The following ABHD5 variants were observed in gnomAD, a reference collection of about 807,000 sequenced individuals.
ABHD5 encodes the protein abhydrolase domain containing 5, lysophosphatidic acid acyltransferase, also known as 1-acylglycerol-3-phosphate O-acyltransferase ABHD5.
Under a neutral mutation model 44.9 loss-of-function variants are expected in ABHD5, and 30 were observed. The ratio of observed to expected loss-of-function variants is 0.67; its 90% CI spans 0.50 to 0.91. The LOEUF is 0.91. Among genes scored for constraint, ABHD5 ranks in the 40% least tolerant of loss-of-function variants. The probability of loss-of-function intolerance (pLI) is 0.00; values close to 1 mark genes in which losing one functional copy is unlikely to be tolerated. For missense variants in ABHD5, 399 were observed against 423.4 expected, an observed-to-expected ratio of 0.94 and a Z score of 0.50; for synonymous variants, 167 against 147.0, an observed-to-expected ratio of 1.14 and a Z score of -0.99.
chr3:43,727,640 G>A (rs981770951), downstream of ABHD5, among the ~76,000 whole-genome samples: 14 of 152,022 alleles, frequency 9.2e-5, no homozygotes, highest in African/African-American at 3.1e-4. Flanking sequence ...GCAGAGTTTC[G>A]CTCTTGTTGC....
intron 1 of ABHD5, among the ~76,000 whole-genome samples, chr3:43,699,014 CT>C (rs1243434437): frequency 6.6e-6 from 1 of 152,172 alleles, no homozygotes; most frequent in Non-Finnish European, 1.5e-5. Context: ...ATTTTATCCT[CT>C]TTTTGCTTAT....
chr3:43,710,958 G>A (rs1329351356), intron 3 of ABHD5, among the ~76,000 whole-genome samples: 2 of 152,146 alleles, frequency 1.3e-5, no homozygotes, highest in Non-Finnish European at 2.9e-5. Flanking sequence ...AAATTAAAAT[G>A]ATTAACAATA....
intron 3 of ABHD5, among the ~76,000 whole-genome samples, chr3:43,711,475 C>T (rs997156131): frequency 1.3e-5 from 2 of 152,142 alleles, no homozygotes; most frequent in African/African-American, 4.8e-5. Context: ...TTATTATTCA[C>T]ATTTAGATAT....
chr3:43,724,837 A>G (rs776502151), downstream of ABHD5, among the ~76,000 whole-genome samples: 2 of 152,210 alleles, frequency 1.3e-5, no homozygotes, highest in Non-Finnish European at 2.9e-5. Context: ...ATAAATATAT[A>G]CATGGGTTTG....
Position 43,719,504 on chromosome 3 carries a change from A to G in ABHD5, c.*972A>G, listed in dbSNP as rs2084808401. 1 of 152,318 alleles carries G rather than the reference A, an allele frequency of 6.6e-6. No homozygotes were observed. Among genetic ancestry groups the G allele is most frequent in the East Asian group, 1.9e-4 (1 of 5,188 alleles). The allele number at this position is 152,318 out of a possible 1,614,324, so 9.4% of individuals were successfully genotyped here. On this transcript the variant is annotated 3_prime_UTR_variant, in exon 7 of 7. Coordinates refer to ENST00000644371, the MANE Select transcript of ABHD5 (RefSeq NM_016006.6). Reference sequence around the variant, plus strand: ...TTTTAACCACTAAAATAGAAAAACAAGTGGTGCTATTATGTCTCATGGCAC... The same window carrying G: ...TTTTAACCACTAAAATAGAAAAACAGGTGGTGCTATTATGTCTCATGGCAC...
Position 43,718,483 on chromosome 3 carries a change from CA to C in ABHD5, c.1002del (p.Glu335LysfsTer7). 1.9e-6 allele frequency: 3 copies of C among 1,614,064 alleles called. No individual in the cohort carries two copies. The highest frequency in any genetic ancestry group is 2.5e-6 in the Non-Finnish European group (3 of 1,179,982). Reference sequence around the variant, plus strand: ...GGACATTATGTATATGCAGATCAACCAGAAGAATTCAACCAGAAAGTAAAGG... The same window carrying C: ...GGACATTATGTATATGCAGATCAACCGAAGAATTCAACCAGAAAGTAAAGG... ...GAGHYVYADQ[P>X]EEFNQKVKEI... On this transcript the variant is annotated frameshift_variant, in exon 7 of 7. Transcript: ENST00000644371. LOFTEE classifies it high-confidence loss of function.
At chr3:43,728,364 GA>G (rs1386440794) in intron 7 of ABHD5, among the ~76,000 whole-genome samples, 1 of 152,200 alleles carries the variant, frequency 6.6e-6, no homozygotes, top group Non-Finnish European at 1.5e-5. Flanking sequence ...CCAACTATGG[GA>G]TAAGATTGAT....
intron 1 of ABHD5, among the ~76,000 whole-genome samples, chr3:43,693,951 A>C (rs2084436680): frequency 6.6e-6 from 1 of 152,006 alleles, no homozygotes. Context: ...GATTCCTCAA[A>C]TTTAACATGT....
At chr3:43,723,681 T>C (rs1327714737), downstream of ABHD5, among the ~76,000 whole-genome samples, 1 of 152,204 alleles carries the variant, frequency 6.6e-6, no homozygotes, top group Non-Finnish European at 1.5e-5. Flanking sequence ...CACGTTAATA[T>C]GCTAAATCTA....
downstream of ABHD5, among the ~76,000 whole-genome samples, chr3:43,725,250 A>G (rs532407061): frequency 2.0e-5 from 3 of 152,294 alleles, no homozygotes; most frequent in Admixed American, 6.5e-5. Flanking sequence ...CTACTTCTCT[A>G]TATCTCTCTG....
At position 43,728,975 on chromosome 3, in the gene ABHD5, C is replaced by A. The variant is rs76784539; in HGVS notation, c.*30-4905C>A. On this transcript the variant is annotated intron_variant, in intron 7 of 7. Transcript: ENST00000454293. ...GAATCCCATGTAAAAGTAAGGATTT[C>A]CTGGTTTCTAACATGTTTGCTGGGA... is the stretch of plus-strand genomic sequence containing the variant. 5.5e-4 allele frequency among the ~76,000 whole-genome samples: 83 copies of A among 152,290 alleles called. No homozygotes were observed. In the East Asian group the frequency reaches 0.014, roughly 27 times the overall value.
In ABHD5 at chr3:43,718,834, T is replaced by A. The variant is rs886058489; in HGVS notation, c.*302T>A. On this transcript the variant is annotated 3_prime_UTR_variant, in exon 7 of 7. Transcript: ENST00000644371. ...AAAACTGTAATTTTTCAGCTGAAAA[T>A]TTTTTAATCTAACTTTGCTAGTTAT... 11 of 317,418 alleles carry A rather than the reference T, an allele frequency of 3.5e-5. No individual in the cohort carries two copies. The highest frequency in any genetic ancestry group is 5.3e-5 in the Non-Finnish European group (9 of 168,424). 19.7% of individuals were successfully genotyped at this position (317,418 alleles called of 1,614,324 possible). A position where few individuals can be genotyped will look rare whatever the true frequency, so the allele number is the denominator to read the frequency against.
intron 3 of ABHD5, among the ~76,000 whole-genome samples, chr3:43,709,315 A>G (rs1412919436): frequency 2.0e-5 from 3 of 152,010 alleles, no homozygotes; most frequent in Admixed American, 6.5e-5. Flanking sequence ...AAACAAAAAG[A>G]TCATCTGCCT....
chr3:43,731,144 A>G (rs1421239333), intron 7 of ABHD5, among the ~76,000 whole-genome samples: 1 of 152,060 alleles, frequency 6.6e-6, no homozygotes, highest in Non-Finnish European at 1.5e-5. Flanking sequence ...CATTTTTTTT[A>G]AAGTGAATTT....
downstream of ABHD5, among the ~76,000 whole-genome samples, chr3:43,727,217 C>T (rs2084884042): frequency 6.6e-6 from 1 of 152,146 alleles, no homozygotes; most frequent in Non-Finnish European, 1.5e-5. Flanking sequence ...TATAAAAATG[C>T]TGGTCTCTAT....
intron 1 of ABHD5, among the ~76,000 whole-genome samples, chr3:43,692,483 T>C (rs940718108): frequency 1.3e-5 from 2 of 152,224 alleles, no homozygotes; most frequent in African/African-American, 4.8e-5. Flanking sequence ...AAGGGTTTTA[T>C]GGCTTGGAGT....
intron 4 of ABHD5, among the ~76,000 whole-genome samples, chr3:43,713,103 G>A (rs894075524): frequency 2.0e-5 from 3 of 152,002 alleles, no homozygotes; most frequent in African/African-American, 7.3e-5. Flanking sequence ...GATCACTTGA[G>A]GCCAGGCTTT....
In ABHD5 at chr3:43,733,349, G is replaced by A. The variant is rs188567862; in HGVS notation, c.*30-531G>A. On this transcript the variant is annotated intron_variant, in intron 7 of 7. Coordinates refer to the ABHD5 transcript ENST00000454293. ...TTGACAAGGTGTCTTGCTCATAAGC[G>A]TCAGTACCTGGTGTCAGGTGCTCTC... Among the ~76,000 whole-genome samples the A allele has an allele frequency of 2.4e-4, 37 of 152,318 alleles. 1 individual carries two copies. The highest frequency in any genetic ancestry group is 2.2e-3 in the Admixed American group (33 of 15,300).
intron 5 of ABHD5, among the ~76,000 whole-genome samples, chr3:43,715,569 G>A (rs2084753641): frequency 6.6e-6 from 1 of 152,166 alleles, no homozygotes; most frequent in African/African-American, 2.4e-5. Context: ...TCTATTCTTA[G>A]AGTACCCACT....
Sources: allele counts gnomAD v4.1 joint callset (sites outside exome capture counted in the v4.1 genomes callset), GRCh38; gene constraint gnomAD v4.1.1; transcripts MANE v1.5; gene names NCBI Gene and HGNC (gene_info 2026-07-23, HGNC 2026-07-21).